MED12L: variants seen among roughly 807,000 people sequenced by gnomAD.
MED12L encodes mediator complex subunit 12L.
Under a neutral mutation model 281.3 loss-of-function variants are expected in MED12L, and 60 were observed. The observed-to-expected ratio is 0.21, with a 90% CI of 0.17 to 0.26. The LOEUF is 0.26. MED12L is among the 10% of genes least tolerant of loss of function. The pLI is 1.00. For synonymous variants in MED12L, 974 were observed against 987.2 expected, an observed-to-expected ratio of 0.99 and a Z score of 0.25; for missense variants, 2,146 against 2,680.9, an observed-to-expected ratio of 0.80 and a Z score of 4.41.
chr3:151,367,660 A>C lies in MED12L; in HGVS notation c.3342A>C (p.Ser1114=). Residue 1114 remains serine, a synonymous_variant, in exon 24 of 45, where the codon TCA becomes TCC. Transcript: ENST00000687756. The part of the protein sequence containing the change: ...VLCTVDVSDL[S]FHDSLATFIA... ...TTTTCTTGAAGGTGAGTGACCTTTC[A>C]TTCCATGATTCATTAGCTACTTTCA... 6.2e-7 allele frequency: 1 copy of C among 1,605,976 alleles called. No homozygotes were observed. The highest frequency in any genetic ancestry group is 8.5e-7 in the Non-Finnish European group (1 of 1,174,980).
At chr3:151,273,370 G>T (rs1374673455) in intron 16 of MED12L, among the ~76,000 whole-genome samples, 4 of 149,566 alleles carry the variant, frequency 2.7e-5, no homozygotes, top group Admixed American at 2.0e-4. Context: ...TGGGATTACA[G>T]GCACACACCA....
intron 6 of MED12L, 55 bp from the exon 7 acceptor site, chr3:151,158,633 CT>C: frequency 8.3e-7 from 1 of 1,206,958 alleles, no homozygotes; most frequent in South Asian, 1.3e-5. Flanking sequence ...ATGACAGTGC[CT>C]TTTTTGTTTT....
At chr3:151,257,956 T>C (rs1041760372) in intron 16 of MED12L, among the ~76,000 whole-genome samples, 3 of 152,224 alleles carry the variant, frequency 2.0e-5, no homozygotes, top group Non-Finnish European at 4.4e-5. Context: ...CTTTTAGGCA[T>C]TTTGTAAATA....
rs577860818 is a variant in MED12L, at chr3:151,104,973, C to T, written c.100-11365C>T. On this transcript the variant is annotated intron_variant, in intron 2 of 44. Transcript: ENST00000687756. ...TCAGCATGACTGTCTTAACTTGGTCCTATCCACAGAAACCCTATTTCCAAA... is the reference window on the plus strand; with the variant it reads ...TCAGCATGACTGTCTTAACTTGGTCTTATCCACAGAAACCCTATTTCCAAA... 2.0e-5 allele frequency among the ~76,000 whole-genome samples: 3 copies of T among 152,312 alleles called. No homozygotes were observed. The East Asian group carries it at 5.8e-4, about 29-fold the overall frequency.
chr3:151,417,388 G>A (rs1468294659), intron 43 of MED12L, among the ~76,000 whole-genome samples: 3 of 151,276 alleles, frequency 2.0e-5, no homozygotes, highest in Non-Finnish European at 1.5e-5. Context: ...GTCCAAATCA[G>A]ATTGACCAGA....
chr3:151,374,398 A>C (rs1756568850), intron 27 of MED12L, among the ~76,000 whole-genome samples: 1 of 152,026 alleles, frequency 6.6e-6, no homozygotes, highest in Non-Finnish European at 1.5e-5. Context: ...AAATACAAAA[A>C]TTAGCCAGGT....
intron 43 of MED12L, among the ~76,000 whole-genome samples, chr3:151,416,815 TTATC>T (rs1275158982): frequency 6.6e-6 from 1 of 152,208 alleles, no homozygotes; most frequent in East Asian, 1.9e-4. Context: ...TTCTAAAATA[TTATC>T]TATTATCTTC....
At chr3:151,177,146 G>A (rs1429313362) in intron 11 of MED12L, among the ~76,000 whole-genome samples, 6 of 152,202 alleles carry the variant, frequency 3.9e-5, no homozygotes, top group Admixed American at 3.9e-4. Flanking sequence ...TAGATTAGAA[G>A]TCCAGCTTGT....
intron 16 of MED12L, among the ~76,000 whole-genome samples, chr3:151,210,844 A>G (rs951838298): frequency 6.6e-6 from 1 of 152,232 alleles, no homozygotes; most frequent in Non-Finnish European, 1.5e-5. Context: ...TCTGAGGCAG[A>G]GGCTCTCAGC....
rs182135286 is a variant in MED12L, at chr3:151,318,137, T to G, written c.2251-31922T>G. Among the ~76,000 whole-genome samples the G allele has an allele frequency of 1.4e-3, 204 of 148,312 alleles. 3 individuals carry two copies. Among genetic ancestry groups the G allele is most frequent in the East Asian group, 0.013 (68 of 5,122 alleles). On this transcript the variant is annotated intron_variant, in intron 16 of 44. Transcript: ENST00000687756. ...AAAAACAGACACCTACAATTTTAAT[T>G]TTTTTTTTTTTTACATTCTGCTTTG...
At chr3:151,120,402 A>G (rs909989953) in intron 3 of MED12L, among the ~76,000 whole-genome samples, 1 of 152,250 alleles carries the variant, frequency 6.6e-6, no homozygotes. Context: ...CCAGCTGACT[A>G]TGTATGAAAT....
intron 16 of MED12L, among the ~76,000 whole-genome samples, chr3:151,347,706 G>T (rs138297086): frequency 0.011 from 1,634 of 152,198 alleles, 43 homozygotes; most frequent in African/African-American, 0.037. Flanking sequence ...AGAGGAGGAG[G>T]GGAAGTCTAG....
intron 2 of MED12L, among the ~76,000 whole-genome samples, chr3:151,111,563 A>G (rs907803533): frequency 6.6e-6 from 1 of 152,148 alleles, no homozygotes; most frequent in Non-Finnish European, 1.5e-5. Context: ...TCTTGTCTGC[A>G]TCTCCATCAG....
chr3:151,327,748 AAG>A (rs1553780203), intron 16 of MED12L: 14 of 334,514 alleles, frequency 4.2e-5, no homozygotes, highest in East Asian at 1.4e-4. Context: ...AAAAAAAAAA[AAG>A]AAAGAAAGAA....
intron 16 of MED12L, among the ~76,000 whole-genome samples, chr3:151,310,578 C>G (rs963972015): frequency 6.6e-6 from 1 of 152,168 alleles, no homozygotes; most frequent in Non-Finnish European, 1.5e-5. Flanking sequence ...AATCATTATG[C>G]CTTCTTGTTT....
At chr3:151,392,696 A>G (rs1714430501) in intron 38 of MED12L, among the ~76,000 whole-genome samples, 2 of 152,238 alleles carry the variant, frequency 1.3e-5, no homozygotes, top group Admixed American at 6.5e-5. Flanking sequence ...TCTTTCTCAT[A>G]TATACACACC....
chr3:151,431,213 C>A (rs1352733995), intron 44 of MED12L, among the ~76,000 whole-genome samples: 2 of 152,324 alleles, frequency 1.3e-5, no homozygotes, highest in East Asian at 3.9e-4. Context: ...ATGAGTGAGA[C>A]TAGCAGTTTC....
At chr3:151,096,106 G>A (rs190418039) in intron 2 of MED12L, among the ~76,000 whole-genome samples, 1 of 152,172 alleles carries the variant, frequency 6.6e-6, no homozygotes, top group Non-Finnish European at 1.5e-5. Context: ...TGGATCTGGG[G>A]CAACCATCTT....
At chr3:151,299,356 CTTTCTTTTCTTTTCTTTTCTTTTCT>C (rs71138493) in intron 16 of MED12L, among the ~76,000 whole-genome samples, 3 of 94,352 alleles carry the variant, frequency 3.2e-5, no homozygotes, top group African/African-American at 1.2e-4. Flanking sequence ...TTCCTTCCTT[CTTTCTTTTCTTTTCTTTTCTTTTCT>C]TTTCTTTTCT....
Sources: allele counts gnomAD v4.1 joint callset (sites outside exome capture counted in the v4.1 genomes callset), GRCh38; gene constraint gnomAD v4.1.1; transcripts MANE v1.5; gene names NCBI Gene and HGNC (gene_info 2026-07-23, HGNC 2026-07-21).